Variants in ST6GALNAC3 observed in about 807,000 individuals in gnomAD.
The protein encoded by ST6GALNAC3 is alpha-N-acetylgalactosaminide alpha-2,6-sialyltransferase 3.
Under a neutral mutation model 32.7 loss-of-function variants are expected in ST6GALNAC3, and 25 were observed. The ratio of observed to expected loss-of-function variants is 0.76; its 90% CI spans 0.56 to 1.07. ST6GALNAC3 has a LOEUF of 1.07. ST6GALNAC3 is among the 50% of genes least tolerant of loss of function. ST6GALNAC3 has a pLI of 0.00. For synonymous variants in ST6GALNAC3, 129 were observed against 133.1 expected (o/e 0.97, Z 0.21); for missense variants, 355 against 382.4 (o/e 0.93, Z 0.60).
chr1:76,205,316 G>T (rs1654759519), intron 1 of ST6GALNAC3, among the ~76,000 whole-genome samples: 1 of 152,142 alleles, frequency 6.6e-6, no homozygotes, highest in Non-Finnish European at 1.5e-5. Context: ...AGAGCCCCTT[G>T]TACACTCAAT....
At chr1:76,095,300 GC>G (rs1354766274) in intron 1 of ST6GALNAC3, among the ~76,000 whole-genome samples, 2 of 151,944 alleles carry the variant, frequency 1.3e-5, no homozygotes, top group Non-Finnish European at 2.9e-5. Flanking sequence ...TTGTTATATG[GC>G]TACATTGTCT....
chr1:76,547,480 G>A (rs1477628321), intron 3 of ST6GALNAC3, among the ~76,000 whole-genome samples: 2 of 152,150 alleles, frequency 1.3e-5, no homozygotes, highest in East Asian at 1.9e-4. Context: ...TTATGTCAAA[G>A]GGAACAAGCA....
At chr1:76,365,549 A>C (rs1406271913) in intron 2 of ST6GALNAC3, among the ~76,000 whole-genome samples, 1 of 152,194 alleles carries the variant, frequency 6.6e-6, no homozygotes, top group African/African-American at 2.4e-5. Flanking sequence ...TTTTAACACT[A>C]TAGTGAATAG....
intron 3 of ST6GALNAC3, among the ~76,000 whole-genome samples, chr1:76,459,521 T>C (rs1345938532): frequency 6.7e-6 from 1 of 148,970 alleles, no homozygotes; most frequent in African/African-American, 2.5e-5. Flanking sequence ...TGGAGATTGC[T>C]CCACTGCACT....
chr1:76,459,005 A>G (rs1259233421), intron 3 of ST6GALNAC3, among the ~76,000 whole-genome samples: 1 of 152,160 alleles, frequency 6.6e-6, no homozygotes, highest in Non-Finnish European at 1.5e-5. Flanking sequence ...ATGTTCTTCA[A>G]TCTTTTATCA....
intron 1 of ST6GALNAC3, among the ~76,000 whole-genome samples, chr1:76,286,751 A>G (rs565533986): frequency 6.6e-6 from 1 of 152,372 alleles, no homozygotes; most frequent in South Asian, 2.1e-4. Context: ...TGAGGCAGGA[A>G]GTGTCCTGGC....
intron 3 of ST6GALNAC3, among the ~76,000 whole-genome samples, chr1:76,559,849 G>T (rs1665143965): frequency 6.6e-6 from 1 of 152,150 alleles, no homozygotes; most frequent in Non-Finnish European, 1.5e-5. Context: ...GCTACTGTGT[G>T]CTGGCAAGAG....
At chr1:76,510,640 A>T (rs1330312967) in intron 3 of ST6GALNAC3, among the ~76,000 whole-genome samples, 3 of 152,178 alleles carry the variant, frequency 2.0e-5, no homozygotes, top group Non-Finnish European at 2.9e-5. Flanking sequence ...TTGACTTATG[A>T]TGGGGTTATA....
intron 3 of ST6GALNAC3, among the ~76,000 whole-genome samples, chr1:76,450,653 C>T (rs1251886647): frequency 6.6e-6 from 1 of 152,086 alleles, no homozygotes; most frequent in African/African-American, 2.4e-5. Flanking sequence ...AAGGGTTATT[C>T]CAATGTTATC....
intron 3 of ST6GALNAC3, among the ~76,000 whole-genome samples, chr1:76,417,587 T>C (rs1654733877): frequency 6.6e-6 from 1 of 152,172 alleles, no homozygotes; most frequent in Non-Finnish European, 1.5e-5. Flanking sequence ...ATGTTAACTT[T>C]TCTAGAGAAG....
intron 3 of ST6GALNAC3, among the ~76,000 whole-genome samples, chr1:76,429,711 T>C (rs1213453709): frequency 1.3e-5 from 2 of 152,120 alleles, no homozygotes; most frequent in Admixed American, 6.6e-5. Flanking sequence ...TACAGAATGA[T>C]AGACTGTGAG....
Position 76,201,296 on chromosome 1 carries a change from A to G in ST6GALNAC3, c.19-112509A>G, listed in dbSNP as rs372466857. Among the ~76,000 whole-genome samples the G allele has an allele frequency of 1.4e-4, 22 of 152,344 alleles. No homozygotes were observed. The East Asian group carries it at 1.9e-3, about 13-fold the overall frequency. ...AAGGAGGAGCAAAGTCATGTCTTAC[A>G]TGGTGGCAGGCAAGAGAGAGGGCAT... On this transcript the variant is annotated intron_variant, in intron 1 of 4. Transcript: ENST00000328299.
intron 3 of ST6GALNAC3, among the ~76,000 whole-genome samples, chr1:76,528,788 G>C (rs1321151684): frequency 2.6e-5 from 4 of 151,178 alleles, no homozygotes; most frequent in Non-Finnish European, 5.9e-5. Flanking sequence ...CTTTGTTCAG[G>C]TGGCTGGCAA....
intron 3 of ST6GALNAC3, among the ~76,000 whole-genome samples, chr1:76,585,111 G>A (rs560854119): frequency 8.5e-5 from 13 of 152,258 alleles, no homozygotes; most frequent in African/African-American, 2.2e-4. Flanking sequence ...TTGGCCGGGC[G>A]CAGTGGCTCA....
chr1:76,139,465 C>G (rs542610057), intron 1 of ST6GALNAC3, among the ~76,000 whole-genome samples: 1 of 152,118 alleles, frequency 6.6e-6, no homozygotes, highest in African/African-American at 2.4e-5. Flanking sequence ...AATGCTCATT[C>G]GGCAACAGTG....
chr1:76,118,602 C>G (rs145452192), intron 1 of ST6GALNAC3, among the ~76,000 whole-genome samples: 18 of 152,264 alleles, frequency 1.2e-4, no homozygotes, highest in Middle Eastern at 3.4e-3. Flanking sequence ...GTGCAGATGA[C>G]CTAGGGCATT....
chr1:76,165,671 C>T (rs1044652428), intron 1 of ST6GALNAC3, among the ~76,000 whole-genome samples: 2 of 152,178 alleles, frequency 1.3e-5, no homozygotes, highest in Non-Finnish European at 2.9e-5. Context: ...CACAACTTCA[C>T]CAGCATCTGT....
chr1:76,545,995 A>G (rs1664277232), intron 3 of ST6GALNAC3, among the ~76,000 whole-genome samples: 1 of 152,176 alleles, frequency 6.6e-6, no homozygotes, highest in African/African-American at 2.4e-5. Context: ...CTGAGGTTGA[A>G]CAATGAGCAT....
At chr1:76,439,065 T>G (rs1465425032) in intron 3 of ST6GALNAC3, among the ~76,000 whole-genome samples, 1 of 152,240 alleles carries the variant, frequency 6.6e-6, no homozygotes, top group African/African-American at 2.4e-5. Context: ...AAATAAGGAC[T>G]CAATTGTTCA....
Sources: allele counts gnomAD v4.1 joint callset (sites outside exome capture counted in the v4.1 genomes callset), GRCh38; gene constraint gnomAD v4.1.1; transcripts MANE v1.5; gene names NCBI Gene and HGNC (gene_info 2026-07-23, HGNC 2026-07-21).